RAPGEF4: variants seen among roughly 807,000 people sequenced by gnomAD.
RAPGEF4 encodes RAP guanine-nucleotide-exchange factor (GEF) 4.
RAPGEF4 carries 66 observed loss-of-function variants against 147.9 expected under a neutral mutation model. That is an observed-to-expected ratio of 0.45 (90% CI 0.37 to 0.55). The LOEUF is 0.55. Ranked by LOEUF, RAPGEF4 falls within the 20% of genes least tolerant of loss-of-function variation. The pLI, the probability that RAPGEF4 is intolerant of heterozygous loss-of-function variation, is 0.00. For synonymous variants in RAPGEF4, 419 were observed against 442.7 expected (o/e 0.95, Z 0.67); for missense variants, 1,071 against 1,257.3 (o/e 0.85, Z 2.24).
intron 4 of RAPGEF4, among the ~76,000 whole-genome samples, chr2:172,906,647 T>A (rs922961634): frequency 6.6e-5 from 10 of 152,166 alleles, no homozygotes; most frequent in Admixed American, 5.9e-4. Flanking sequence ...GTGCCAGCAG[T>A]TGCATGCCAC....
chr2:172,753,655 T>G (rs897923342), intron 1 of RAPGEF4, among the ~76,000 whole-genome samples: 5 of 152,112 alleles, frequency 3.3e-5, no homozygotes, highest in Admixed American at 3.3e-4. Flanking sequence ...TGAAAAAATT[T>G]AGAAAATAAC....
chr2:172,745,645 G>A (rs1694702907), intron 1 of RAPGEF4, among the ~76,000 whole-genome samples: 1 of 151,674 alleles, frequency 6.6e-6, no homozygotes, highest in South Asian at 2.1e-4. Context: ...AACTTAGTTG[G>A]TTAATTTTAA....
chr2:172,995,281 GTGTGTGTGTT>G (rs1398751282), intron 15 of RAPGEF4, among the ~76,000 whole-genome samples: 2 of 149,414 alleles, frequency 1.3e-5, no homozygotes, highest in African/African-American at 4.9e-5. Flanking sequence ...GTGTGTGTGT[GTGTGTGTGTT>G]TGTATTTTGA....
chr2:173,001,870 G>A (rs1047703236), intron 17 of RAPGEF4, among the ~76,000 whole-genome samples: 1 of 151,762 alleles, frequency 6.6e-6, no homozygotes, highest in Admixed American at 6.6e-5. Flanking sequence ...CCTCCCACCA[G>A]GCCCACCTCC....
intron 17 of RAPGEF4, among the ~76,000 whole-genome samples, chr2:173,002,494 G>A (rs999155389): frequency 6.6e-6 from 1 of 152,068 alleles, no homozygotes; most frequent in African/African-American, 2.4e-5. Context: ...ACTCAATTTT[G>A]GGAGCATGTG....
intron 1 of RAPGEF4, among the ~76,000 whole-genome samples, chr2:172,791,884 C>T (rs1485678653): frequency 6.6e-6 from 1 of 152,182 alleles, no homozygotes; most frequent in Non-Finnish European, 1.5e-5. Context: ...GTCTACACTC[C>T]TAATGTGGGA....
intron 18 of RAPGEF4, among the ~76,000 whole-genome samples, chr2:173,016,020 G>T (rs924484520): frequency 1.3e-5 from 2 of 152,116 alleles, no homozygotes; most frequent in African/African-American, 4.8e-5. Flanking sequence ...AATTTACTTT[G>T]AATTGAATTT....
In RAPGEF4 at chr2:173,042,221, G is replaced by A. The variant is rs148750158; in HGVS notation, c.2853+5529G>A. On this transcript the variant is annotated intron_variant, in intron 29 of 30. Transcript: ENST00000397081. This position sits in a 1 kb window ranked among gnomAD's most constrained non-coding sequence, Gnocchi z 4.2. ...CATAAAAATGTCTGGCACATCGTAA[G>A]TATGCAAGAAGTACTTGTTGAATAA... 2.6e-5 allele frequency among the ~76,000 whole-genome samples: 4 copies of A among 152,342 alleles called. No individual in the cohort carries two copies. The East Asian group carries it at 7.7e-4, about 29-fold the overall frequency.
At chr2:172,748,123 C>A (rs1694940556) in intron 1 of RAPGEF4, among the ~76,000 whole-genome samples, 1 of 152,130 alleles carries the variant, frequency 6.6e-6, no homozygotes, top group African/African-American at 2.4e-5. Flanking sequence ...GTGAATAATG[C>A]TGCAATAAAC....
intron 6 of RAPGEF4, among the ~76,000 whole-genome samples, chr2:172,924,486 T>G (rs1254939994): frequency 6.6e-6 from 1 of 152,234 alleles, no homozygotes; most frequent in Non-Finnish European, 1.5e-5. Flanking sequence ...TTTGTATTTG[T>G]CTAGGCTATT....
intron 4 of RAPGEF4, among the ~76,000 whole-genome samples, chr2:172,846,598 A>T (rs1692219733): frequency 6.6e-6 from 1 of 152,134 alleles, no homozygotes; most frequent in Non-Finnish European, 1.5e-5. Flanking sequence ...CCAGTGGCAG[A>T]TCTCAGTTCT....
chr2:172,842,493 G>A (rs1691725456), intron 4 of RAPGEF4, among the ~76,000 whole-genome samples: 1 of 152,238 alleles, frequency 6.6e-6, no homozygotes, highest in African/African-American at 2.4e-5. Flanking sequence ...ACAGAGAACA[G>A]CTTGCTTCTG....
intron 1 of RAPGEF4, among the ~76,000 whole-genome samples, chr2:172,742,808 A>G (rs1389259206): frequency 2.0e-5 from 3 of 152,206 alleles, no homozygotes; most frequent in Non-Finnish European, 4.4e-5. Context: ...CTGGGGATAC[A>G]TGTAGGATTG....
intron 6 of RAPGEF4, among the ~76,000 whole-genome samples, chr2:172,923,949 T>C (rs1202318338): frequency 6.6e-6 from 1 of 152,240 alleles, no homozygotes; most frequent in Non-Finnish European, 1.5e-5. Context: ...TGAACCTTGC[T>C]ATTGATATTT....
At chr2:172,779,910 C>G (rs1684522210) in intron 1 of RAPGEF4, among the ~76,000 whole-genome samples, 1 of 152,188 alleles carries the variant, frequency 6.6e-6, no homozygotes, top group Non-Finnish European at 1.5e-5. Context: ...ATCTCCCTCT[C>G]TTGTATTCTA....
At chr2:172,772,272 T>C (rs1159711418) in intron 1 of RAPGEF4, among the ~76,000 whole-genome samples, 1 of 152,066 alleles carries the variant, frequency 6.6e-6, no homozygotes, top group Non-Finnish European at 1.5e-5. Flanking sequence ...ATAAAATGAA[T>C]GTAGTTAAAA....
intron 22 of RAPGEF4, among the ~76,000 whole-genome samples, 158 bp from the exon 23 acceptor site, chr2:173,020,460 T>C (rs191789457): frequency 6.6e-6 from 1 of 152,338 alleles, no homozygotes; most frequent in East Asian, 1.9e-4. Flanking sequence ...ATGAATGCCG[T>C]CTTTTTTATT....
intron 6 of RAPGEF4, among the ~76,000 whole-genome samples, chr2:172,947,848 G>A (rs1687831919): frequency 6.6e-6 from 1 of 151,980 alleles, no homozygotes; most frequent in Admixed American, 6.6e-5. Flanking sequence ...AAAAAAAAGT[G>A]CACACATCAT....
chr2:172,736,315 C>A, intron 1 of RAPGEF4: 1 of 280,564 alleles, frequency 3.6e-6, no homozygotes. Context: ...CTCCAACCCC[C>A]TGCCCTGCCG....
Sources: allele counts gnomAD v4.1 joint callset (sites outside exome capture counted in the v4.1 genomes callset), GRCh38; gene constraint gnomAD v4.1.1; non-coding constraint Gnocchi (gnomAD v3.1); transcripts MANE v1.5; gene names NCBI Gene and HGNC (gene_info 2026-07-23, HGNC 2026-07-21).